ARID5B: variants seen among roughly 807,000 people sequenced by gnomAD.
ARID5B encodes AT-rich interactive domain-containing protein 5B.
In ARID5B, 13 loss-of-function variants were observed where a neutral mutation model predicts 97.2. The observed-to-expected ratio is 0.13, with a 90% confidence interval of 0.09 to 0.21. The LOEUF is 0.21. Among genes scored for constraint, ARID5B ranks in the 10% least tolerant of loss-of-function variants. ARID5B has a pLI of 1.00. For missense variants in ARID5B, 1,210 were observed against 1,465.3 expected, an observed-to-expected ratio of 0.83 and a Z score of 2.84; for synonymous variants, 556 against 570.3, an observed-to-expected ratio of 0.97 and a Z score of 0.36.
chr10:61,948,380 A>AT (rs71470784), intron 3 of ARID5B, among the ~76,000 whole-genome samples: 1,201 of 86,176 alleles, frequency 0.014, 45 homozygotes, highest in African/African-American at 0.045. Context: ...ACTTTAGGTA[A>AT]TTTTTTTTTT....
At chr10:62,069,366 T>C (rs1049828157) in intron 7 of ARID5B, among the ~76,000 whole-genome samples, 4 of 152,236 alleles carry the variant, frequency 2.6e-5, no homozygotes, top group Admixed American at 1.3e-4. Context: ...CCTGATTTTA[T>C]TTTGATGCTT....
intron 4 of ARID5B, among the ~76,000 whole-genome samples, chr10:62,030,900 A>G (rs902433937): frequency 1.3e-5 from 2 of 152,222 alleles, no homozygotes; most frequent in Non-Finnish European, 2.9e-5. Context: ...GTTTCAAAGT[A>G]CATCCCCCAG....
At chr10:62,013,815 T>TATATATATATATATATATATACAC in intron 4 of ARID5B, among the ~76,000 whole-genome samples, 1 of 147,458 alleles carries the variant, frequency 6.8e-6, no homozygotes, top group Admixed American at 7.1e-5. Flanking sequence ...TATATATATA[T>TATATATATATATATATATATACAC]ACCACATTTT....
At chr10:62,086,184 C>T (rs956410134) in intron 9 of ARID5B, among the ~76,000 whole-genome samples, 1 of 152,182 alleles carries the variant, frequency 6.6e-6, no homozygotes, top group African/African-American at 2.4e-5. Context: ...AATGCTCAGG[C>T]TTCAAGAGAA....
chr10:62,031,012 G>T (rs1839490584), intron 4 of ARID5B, among the ~76,000 whole-genome samples: 1 of 152,162 alleles, frequency 6.6e-6, no homozygotes, highest in Non-Finnish European at 1.5e-5. Flanking sequence ...AAGGCAGGTG[G>T]ATCACGAGGT....
rs1840370887 is a variant in ARID5B, at chr10:62,091,444, G to C, written c.1981G>C (p.Asp661His). The change falls in exon 10 of 10, where the codon GAC becomes CAC. Residue 661 changes from aspartate to histidine, a missense_variant. This residue lies in a region of ARID5B where 800 missense variants were observed against 839.1 expected (regional missense o/e 0.95). Coordinates refer to ENST00000279873, the MANE Select transcript of ARID5B (RefSeq NM_032199.3). Reference sequence around the variant, plus strand: ...GTCGTTTGACATGTTCAAAGACAAAGACCTGACTGGGCCCATGAACGAGAA... The same window carrying C: ...GTCGTTTGACATGTTCAAAGACAAACACCTGACTGGGCCCATGAACGAGAA... ...VQSFDMFKDK[D>H]LTGPMNENHG... 3 of 1,611,754 alleles carry C rather than the reference G, an allele frequency of 1.9e-6. No homozygotes were observed. The highest frequency in any genetic ancestry group is 2.5e-6 in the Non-Finnish European group (3 of 1,178,682).
intron 3 of ARID5B, among the ~76,000 whole-genome samples, chr10:61,956,174 G>A (rs1305868879): frequency 1.3e-5 from 2 of 152,236 alleles, no homozygotes; most frequent in African/African-American, 4.8e-5. Flanking sequence ...AGCAGAAAGT[G>A]AGTAGCCTGC....
intron 3 of ARID5B, among the ~76,000 whole-genome samples, chr10:61,979,567 A>G (rs1179201526): frequency 6.6e-6 from 1 of 152,100 alleles, no homozygotes; most frequent in Non-Finnish European, 1.5e-5. Context: ...GGCGTCTCCC[A>G]CGTGGAGGCC....
Position 62,085,824 on chromosome 10 carries a change from C to T in ARID5B, c.1322C>T (p.Thr441Ile), listed in dbSNP as rs140096631. 1.9e-6 allele frequency: 3 copies of T among 1,614,060 alleles called. No individual in the cohort carries two copies. The South Asian group carries it at 3.3e-5, about 18-fold the overall frequency. Residue 441 changes from threonine (T) to isoleucine (I), a missense_variant, in exon 9 of 10, where the codon ACC (threonine) becomes ATC (isoleucine). Around this residue, in one of 8 missense-constraint regions of ARID5B, gnomAD observed 800 missense variants for 839.1 expected, o/e 0.95. Transcript: ENST00000279873. ...GAGAACAAAACAAAAGTATCTGGAACCAAACGCATCAAACATGAAATACCT... is the reference window on the plus strand; with the variant it reads ...GAGAACAAAACAAAAGTATCTGGAATCAAACGCATCAAACATGAAATACCT... ...ENENKTKVSG[T>I]KRIKHEIPKS...
At chr10:61,948,621 C>G (rs573361564) in intron 3 of ARID5B, among the ~76,000 whole-genome samples, 2 of 152,150 alleles carry the variant, frequency 1.3e-5, no homozygotes, top group Non-Finnish European at 2.9e-5. Context: ...CCACCTTGGC[C>G]TACCAAAGTG....
At chr10:62,025,654 G>C (rs1438619296) in intron 4 of ARID5B, among the ~76,000 whole-genome samples, 1 of 152,088 alleles carries the variant, frequency 6.6e-6, no homozygotes, top group Non-Finnish European at 1.5e-5. Context: ...AGAAAAACAT[G>C]CTAAATACAA....
chr10:62,039,484 T>C (rs1358654386), intron 4 of ARID5B, among the ~76,000 whole-genome samples: 1 of 152,172 alleles, frequency 6.6e-6, no homozygotes, highest in Non-Finnish European at 1.5e-5. Flanking sequence ...CATTTTACCA[T>C]GTGTGTGCAG....
intron 4 of ARID5B, among the ~76,000 whole-genome samples, chr10:62,019,433 T>C (rs1029876899): frequency 6.6e-6 from 1 of 152,238 alleles, no homozygotes; most frequent in South Asian, 2.1e-4. Context: ...TGTTAATTAT[T>C]ATAGGACTCC....
At chr10:62,039,991 A>G (rs1188437434) in intron 4 of ARID5B, among the ~76,000 whole-genome samples, 1 of 152,244 alleles carries the variant, frequency 6.6e-6, no homozygotes, top group African/African-American at 2.4e-5. Context: ...CTTCCAAGCA[A>G]CTAAAATCAC....
At chr10:61,919,458 G>T (rs1025839313) in intron 2 of ARID5B, among the ~76,000 whole-genome samples, 3 of 152,126 alleles carry the variant, frequency 2.0e-5, no homozygotes, top group Non-Finnish European at 2.9e-5. Context: ...CCATGTAAAG[G>T]GAAAGGTCCC....
chr10:62,061,837 G>T (rs1839925258), intron 7 of ARID5B, among the ~76,000 whole-genome samples: 1 of 152,156 alleles, frequency 6.6e-6, no homozygotes, highest in African/African-American at 2.4e-5. Flanking sequence ...TAATTTAGGG[G>T]TGACATATTC....
chr10:61,930,655 G>T (rs185146991), intron 2 of ARID5B, among the ~76,000 whole-genome samples: 2,497 of 152,000 alleles, frequency 0.016, 81 homozygotes, highest in African/African-American at 0.057. Context: ...GGGAGGCAGA[G>T]CTTGCAGTGA....
At chr10:62,055,826 C>A (rs747117617) in intron 5 of ARID5B, among the ~76,000 whole-genome samples, 1 of 152,140 alleles carries the variant, frequency 6.6e-6, no homozygotes, top group Non-Finnish European at 1.5e-5. Context: ...AATGTACTTT[C>A]CTTTACTAAA....
At chr10:61,937,410 T>C (rs1180485615) in intron 2 of ARID5B, among the ~76,000 whole-genome samples, 1 of 152,172 alleles carries the variant, frequency 6.6e-6, no homozygotes, top group Non-Finnish European at 1.5e-5. Flanking sequence ...AGAGGATTTA[T>C]GATTAAATGA....
Sources: allele counts gnomAD v4.1 joint callset (sites outside exome capture counted in the v4.1 genomes callset), GRCh38; gene constraint gnomAD v4.1.1; regional missense constraint gnomAD v4.1.1; transcripts MANE v1.5; gene names NCBI Gene and HGNC (gene_info 2026-07-23, HGNC 2026-07-21).